Variants in PLSCR2 observed in about 807,000 individuals in gnomAD.
PLSCR2 encodes phospholipid scramblase 2.
PLSCR2 carries 18 observed loss-of-function variants against 25.3 expected under a neutral mutation model. The observed-to-expected ratio is 0.71, with a 90% CI of 0.49 to 1.06. The LOEUF (loss-of-function observed/expected upper bound fraction) is 1.06. PLSCR2 is among the 50% of genes least tolerant of loss of function. The pLI is 0.00. For missense variants in PLSCR2, 243 were observed against 269.5 expected (o/e 0.90, Z 0.69); for synonymous variants, 88 against 87.3 (o/e 1.01, Z -0.04).
At chr3:146,391,485 G>C (rs2038082769) in exon 4 of PLSCR2, 1 of 152,500 alleles carries the variant, frequency 6.6e-6, no homozygotes, top group Non-Finnish European at 1.5e-5. Flanking sequence ...TTGAGGGCTG[G>C]CAAAAATAAA....
At chr3:146,411,470 C>T (rs6440434) in intron 2 of PLSCR2, among the ~76,000 whole-genome samples, 4 of 152,168 alleles carry the variant, frequency 2.6e-5, no homozygotes, top group Non-Finnish European at 5.9e-5. Context: ...CGCTCTCCTC[C>T]GGAAGACGGT....
At chr3:146,398,592 T>G (rs2038354504) in intron 2 of PLSCR2, 1 of 151,226 alleles carries the variant, frequency 6.6e-6, no homozygotes, top group South Asian at 2.1e-4. Context: ...TATTCATTAA[T>G]TATATATTAA....
intron 8 of PLSCR2, among the ~76,000 whole-genome samples, chr3:146,433,829 A>G (rs758947348): frequency 1.3e-5 from 2 of 152,086 alleles, no homozygotes; most frequent in Non-Finnish European, 2.9e-5. Context: ...TGCTATACCA[A>G]TGTTCTCATC....
At chr3:146,461,871 C>A, upstream of PLSCR2, 1 of 1,342,404 alleles carries the variant, frequency 7.4e-7, no homozygotes, top group South Asian at 1.3e-5. Context: ...TCCATGATCT[C>A]ATATATATCT....
At chr3:146,435,332 T>C (rs925562740) in intron 8 of PLSCR2, among the ~76,000 whole-genome samples, 7 of 152,196 alleles carry the variant, frequency 4.6e-5, no homozygotes, top group African/African-American at 1.4e-4. Context: ...TTCTAGATCC[T>C]TGAGGAATTG....
intron 3 of PLSCR2, among the ~76,000 whole-genome samples, chr3:146,393,252 T>C (rs1280016576): frequency 7.6e-6 from 1 of 131,758 alleles, no homozygotes; most frequent in Non-Finnish European, 1.7e-5. Context: ...ATGGTCTTGA[T>C]CTTCTGGCCT....
At chr3:146,455,307 G>C in exon 4 of PLSCR2, 1 of 1,613,910 alleles carries the variant, frequency 6.2e-7, no homozygotes, top group Non-Finnish European at 8.5e-7. Context: ...ATGACTTCTC[G>C]ACCCACATTA....
At chr3:146,465,581 A>G (rs1240440820) in intron 1 of PLSCR2, among the ~76,000 whole-genome samples, 1 of 151,886 alleles carries the variant, frequency 6.6e-6, no homozygotes, top group Admixed American at 6.6e-5. Context: ...ACAAAAAAAA[A>G]AAAAAAATCA....
chr3:146,420,093 G>A (rs948301774), intron 2 of PLSCR2, among the ~76,000 whole-genome samples: 3 of 152,042 alleles, frequency 2.0e-5, no homozygotes, highest in Non-Finnish European at 4.4e-5. Context: ...TTCTTACTGA[G>A]ATTTTCCCAT....
chr3:146,403,887 A>G (rs2038562511), intron 2 of PLSCR2, among the ~76,000 whole-genome samples: 1 of 152,124 alleles, frequency 6.6e-6, no homozygotes, highest in Admixed American at 6.5e-5. Context: ...TTTGCCTTCT[A>G]CTTTTAAACT....
chr3:146,407,594 T>A (rs1182101996), intron 2 of PLSCR2, among the ~76,000 whole-genome samples: 1 of 151,960 alleles, frequency 6.6e-6, no homozygotes, highest in African/African-American at 2.4e-5. Flanking sequence ...GATTCTTCTT[T>A]GTTTTTGATT....
chr3:146,484,470 C>T (rs2043270453), intron 1 of PLSCR2, among the ~76,000 whole-genome samples: 2 of 151,930 alleles, frequency 1.3e-5, no homozygotes, highest in South Asian at 4.1e-4. Context: ...AAAAGATCAA[C>T]TCCAAGACAA....
intron 1 of PLSCR2, among the ~76,000 whole-genome samples, chr3:146,487,430 C>A (rs984686145): frequency 2.0e-5 from 3 of 152,060 alleles, no homozygotes; most frequent in Non-Finnish European, 2.9e-5. Flanking sequence ...TTATCTCAAC[C>A]CCAAAGCTTC....
At chr3:146,454,205 A>G (rs2041067610) in intron 4 of PLSCR2, 42 bp from the exon 5 acceptor site, 2 of 1,361,318 alleles carry the variant, frequency 1.5e-6, no homozygotes, top group East Asian at 5.0e-5. Context: ...AATCATCATA[A>G]TAAAAATATC....
chr3:146,392,423 T>G lies in PLSCR2; in HGVS notation c.*146-861A>C, dbSNP rs182257909. 1.1e-4 allele frequency among the ~76,000 whole-genome samples: 16 copies of G among 152,234 alleles called. No individual in the cohort carries two copies. In the East Asian group the frequency reaches 3.1e-3, roughly 29 times the overall value. ...TTTTATCCTTTATTTTTTGCTTCTC[T>G]TGTGTGTTTTTGGAGACGCTTTCTT... is the stretch of plus-strand genomic sequence containing the variant. On this transcript the variant is annotated intron_variant and NMD_transcript_variant, in intron 3 of 3. Transcript: ENST00000463633.
At chr3:146,420,893 T>C (rs1372167167) in intron 2 of PLSCR2, among the ~76,000 whole-genome samples, 1 of 152,052 alleles carries the variant, frequency 6.6e-6, no homozygotes, top group Non-Finnish European at 1.5e-5. Flanking sequence ...TCGTAGTTGG[T>C]TCAGTGTGGG....
intron 2 of PLSCR2, among the ~76,000 whole-genome samples, chr3:146,400,674 CT>C (rs2038439053): frequency 6.6e-6 from 1 of 151,048 alleles, no homozygotes; most frequent in Non-Finnish European, 1.5e-5. Flanking sequence ...GCCAAAAAAG[CT>C]TTGACAAAAG....
downstream of PLSCR2, among the ~76,000 whole-genome samples, chr3:146,437,933 C>A (rs1401319601): frequency 3.3e-5 from 5 of 151,962 alleles, no homozygotes; most frequent in African/African-American, 9.7e-5. Context: ...TTCCCTCTAC[C>A]CACTGCATTA....
chr3:146,495,844 G>C (rs1437243835), intron 1 of PLSCR2: 31 of 1,425,452 alleles, frequency 2.2e-5, no homozygotes, highest in East Asian at 9.9e-5. Flanking sequence ...TAGTTATAGA[G>C]ATCAACATTT....
Sources: allele counts gnomAD v4.1 joint callset (sites outside exome capture counted in the v4.1 genomes callset), GRCh38; gene constraint gnomAD v4.1.1; transcripts MANE v1.5; gene names NCBI Gene and HGNC (gene_info 2026-07-23, HGNC 2026-07-21).